Variants in SPG11 observed in about 807,000 individuals in gnomAD.
The protein encoded by SPG11 is spatacsin.
SPG11 carries 222 observed loss-of-function variants against 274.0 expected under a neutral mutation model. That is an observed-to-expected ratio of 0.81 (90% confidence interval 0.73 to 0.91). The LOEUF (loss-of-function observed/expected upper bound fraction) is 0.91. Ranked by LOEUF, SPG11 falls within the 40% of genes least tolerant of loss-of-function variation. The pLI is 0.00. For synonymous variants in SPG11, 1,144 were observed against 1,039.7 expected (o/e 1.10, Z -1.93); for missense variants, 3,114 against 2,872.7 (o/e 1.08, Z -1.92).
intron 7 of SPG11, among the ~76,000 whole-genome samples, chr15:44,648,374 A>C (rs1222277456): frequency 6.6e-6 from 1 of 152,024 alleles, no homozygotes; most frequent in Non-Finnish European, 1.5e-5. Flanking sequence ...TTAGCTGGAC[A>C]TGGTGGCGCG....
chr15:44,564,635 C>T lies in SPG11; in HGVS notation c.7063G>A (p.Val2355Met), dbSNP rs2082272614. Residue 2355 changes from valine (V) to methionine (M), a missense_variant, in exon 39 of 40, where the codon GTG (valine) becomes ATG (methionine). Val to Met is a conservative substitution (Grantham distance 21). Coordinates refer to ENST00000261866, the MANE Select transcript of SPG11 (RefSeq NM_025137.4). ...TAATTAAAGTCTCCTTTAAGAATCA[C>T]TTGCTGGTATAAAATTTCAGCCCAA... ...PDWAEILYQQ[V>M]ILKGDFNYLE... is the part of the protein sequence containing the mutation. 1.9e-6 allele frequency: 3 copies of T among 1,614,072 alleles called. No individual in the cohort carries two copies. Among genetic ancestry groups the T allele is most frequent in the Non-Finnish European group, 8.5e-7 (1 of 1,179,918 alleles).
chr15:44,612,492 G>A (rs1175071595), intron 17 of SPG11, among the ~76,000 whole-genome samples: 1 of 151,890 alleles, frequency 6.6e-6, no homozygotes, highest in Non-Finnish European at 1.5e-5. Flanking sequence ...TCTAATCCCT[G>A]GGCTCAAGTG....
chr15:44,563,565 G>C (rs193040233), intron 39 of SPG11, among the ~76,000 whole-genome samples: 1 of 152,086 alleles, frequency 6.6e-6, no homozygotes, highest in Non-Finnish European at 1.5e-5. Flanking sequence ...GTTGAACTCC[G>C]GGCCTCAAGT....
At position 44,613,317 on chromosome 15, in the gene SPG11, T is replaced by C; in HGVS notation, c.3145+113A>G. On this transcript the variant is annotated intron_variant, in intron 17 of 39. Coordinates refer to ENST00000261866, the MANE Select transcript of SPG11 (RefSeq NM_025137.4). ...AGTGTGAGCCTAGATTACATTCAGA[T>C]AGCTGACCACAGCCAAATAATTTAT... 3 of 768,954 alleles carry C rather than the reference T, an allele frequency of 3.9e-6. No individual in the cohort carries two copies. The South Asian group carries it at 4.5e-5, about 11-fold the overall frequency. The allele number at this position is 768,954 out of a possible 1,614,324, so 47.6% of individuals were successfully genotyped here. A position where few individuals can be genotyped will look rare whatever the true frequency, so the allele number is the denominator to read the frequency against.
intron 27 of SPG11, chr15:44,590,902 C>A (rs1477106663): frequency 1.3e-5 from 2 of 152,158 alleles, no homozygotes; most frequent in Non-Finnish European, 2.9e-5. Context: ...GTTTAACATG[C>A]AGGGCTTTTT....
intron 7 of SPG11, among the ~76,000 whole-genome samples, chr15:44,633,987 C>A (rs747130475): frequency 6.6e-6 from 1 of 152,064 alleles, no homozygotes; most frequent in African/African-American, 2.4e-5. Flanking sequence ...TACAGGTGCC[C>A]GCCACCATGT....
chr15:44,588,294 C>CAA lies in SPG11; in HGVS notation c.4906+956_4906+957dup, dbSNP rs200671861. Among the ~76,000 whole-genome samples, 6 of 134,750 alleles carry CAA rather than the reference C, an allele frequency of 4.5e-5. No individual in the cohort carries two copies. In the South Asian group the frequency reaches 9.3e-4, roughly 21 times the overall value. The allele number at this position is 134,750 out of a possible 152,430, so 88.4% of individuals were successfully genotyped here. On this transcript the variant is annotated intron_variant, in intron 28 of 39. Transcript: ENST00000261866. ...GACTGCCAACATCTTGAGGAATCTGCAAAAAAAAAAACAAACAAAAAAACA... is the reference window on the plus strand; with the variant it reads ...GACTGCCAACATCTTGAGGAATCTGCAAAAAAAAAAAAACAAACAAAAAAACA...
rs908048525 is a variant in SPG11, at chr15:44,604,931, CAAAAAAAAAA to C, written c.3520+1084_3520+1093del. On this transcript the variant is annotated intron_variant, in intron 20 of 39. Transcript: ENST00000261866. ...CCTGGGCGGAACAAGACTCCATCTC[CAAAAAAAAAA>C]AAAAAAAAAAAAAAAAAAAGTATTA... 1.2e-3 allele frequency among the ~76,000 whole-genome samples: 26 copies of C among 22,496 alleles called. 1 individual carries two copies. The highest frequency in any genetic ancestry group is 0.048 in the Middle Eastern group (2 of 42). The allele number at this position is 22,496 out of a possible 152,430, so 14.8% of individuals were successfully genotyped here.
At chr15:44,619,154 G>A (rs1267500453) in intron 15 of SPG11, among the ~76,000 whole-genome samples, 2 of 152,132 alleles carry the variant, frequency 1.3e-5, no homozygotes, top group Non-Finnish European at 2.9e-5. Context: ...TAACAAACTG[G>A]CTTGGGCAAA....
intron 38 of SPG11, 143 bp downstream of exon 38, chr15:44,565,711 T>G (rs963780002): frequency 1.7e-5 from 18 of 1,035,396 alleles, no homozygotes; most frequent in Non-Finnish European, 2.6e-5. Context: ...ATTGCCGTTC[T>G]ATGTTGGTAT....
At chr15:44,624,128 C>G (rs1422986049) in intron 11 of SPG11, among the ~76,000 whole-genome samples, 1 of 150,726 alleles carries the variant, frequency 6.6e-6, no homozygotes, top group Non-Finnish European at 1.5e-5. Context: ...AAGTGTCTAT[C>G]AACAGATGAA....
intron 29 of SPG11, among the ~76,000 whole-genome samples, chr15:44,585,430 C>CAAAAAAAA (rs67858533): frequency 7.2e-5 from 7 of 97,290 alleles, no homozygotes; most frequent in African/African-American, 1.7e-4. Flanking sequence ...ACTAAAAATA[C>CAAAAAAAA]AAAAAAAAAA....
intron 10 of SPG11, among the ~76,000 whole-genome samples, chr15:44,626,938 A>T (rs1420011541): frequency 1.3e-5 from 2 of 152,166 alleles, no homozygotes; most frequent in Non-Finnish European, 2.9e-5. Flanking sequence ...AAAAAGAGGG[A>T]ATATCATATG....
Position 44,562,800 on chromosome 15 carries a change from G to A in SPG11, c.*321C>T. 1 of 251,988 alleles carries A rather than the reference G, an allele frequency of 4.0e-6. No individual in the cohort carries two copies. The highest frequency in any genetic ancestry group is 7.7e-6 in the Non-Finnish European group (1 of 129,284). 15.6% of individuals were successfully genotyped at this position (251,988 alleles called of 1,614,324 possible). ...ATAATAATTAAATTTCTTTGAAACT[G>A]GAATCTGCAGGTACAGGTATTCTTT... On this transcript the variant is annotated 3_prime_UTR_variant, in exon 40 of 40. Transcript: ENST00000261866.
intron 34 of SPG11, 103 bp from the exon 35 acceptor site, chr15:44,569,608 G>A (rs978240702): frequency 4.2e-5 from 35 of 838,620 alleles, no homozygotes; most frequent in Non-Finnish European, 6.6e-5. Context: ...CAAGCTCCAG[G>A]AGGAGAAGGG....
chr15:44,598,926 A>G, intron 21 of SPG11, 90 bp from the exon 22 acceptor site: 1 of 1,288,462 alleles, frequency 7.8e-7, no homozygotes, highest in Non-Finnish European at 1.1e-6. Flanking sequence ...TGACAGAGGG[A>G]GTGCCAGCCA....
At chr15:44,606,189 C>T in intron 19 of SPG11, 98 bp from the exon 20 acceptor site, 1 of 1,037,386 alleles carries the variant, frequency 9.6e-7, no homozygotes, top group Non-Finnish European at 1.5e-6. Context: ...GTCTGCTCCC[C>T]TTTTCCAAGG....
At chr15:44,577,407 G>T (rs913608031) in intron 30 of SPG11, among the ~76,000 whole-genome samples, 3 of 150,458 alleles carry the variant, frequency 2.0e-5, no homozygotes, top group Non-Finnish European at 4.4e-5. Flanking sequence ...GGAGGCTGAG[G>T]CAGGAGGACT....
At chr15:44,586,150 A>C (rs1267934840) in intron 28 of SPG11, among the ~76,000 whole-genome samples, 1 of 151,616 alleles carries the variant, frequency 6.6e-6, no homozygotes, top group African/African-American at 2.4e-5. Context: ...ACACCTGGCT[A>C]ATTTTTGTAC....
Sources: gnomAD v4.1 joint callset for allele counts (sites outside exome capture counted in the v4.1 genomes callset) on GRCh38, gnomAD v4.1.1 for gene constraint, MANE v1.5 for transcripts, NCBI Gene and HGNC (gene_info 2026-07-23, HGNC 2026-07-21) for gene names.